MYO5B: variants seen among roughly 807,000 people sequenced by gnomAD.
The protein encoded by MYO5B is myosin VB.
In MYO5B, 143 loss-of-function variants were observed where a neutral mutation model predicts 229.3. The observed-to-expected ratio is 0.62, with a 90% CI of 0.54 to 0.72. MYO5B has a LOEUF of 0.72. Among genes scored for constraint, MYO5B ranks in the 30% least tolerant of loss-of-function variants. MYO5B has a pLI of 0.00. For synonymous variants in MYO5B, 918 were observed against 885.2 expected (o/e 1.04, Z -0.66); for missense variants, 2,321 against 2,331.0 (o/e 1.00, Z 0.09).
In MYO5B at chr18:49,973,519, G is replaced by A. The variant is rs1403974915; in HGVS notation, c.1322+831C>T. 2.6e-5 allele frequency among the ~76,000 whole-genome samples: 4 copies of A among 152,158 alleles called. No individual in the cohort carries two copies. The East Asian group carries it at 5.8e-4, about 22-fold the overall frequency. On this transcript the variant is annotated intron_variant, in intron 10 of 39. Coordinates refer to ENST00000285039, the MANE Select transcript of MYO5B (RefSeq NM_001080467.3). ...ATGACTTCTATAATTTAAAGATCCA[G>A]GAGGATTTAGTCTATTGTTAGCTTA...
chr18:49,927,161 C>A (rs2025137680), intron 17 of MYO5B, among the ~76,000 whole-genome samples: 1 of 152,048 alleles, frequency 6.6e-6, no homozygotes, highest in Non-Finnish European at 1.5e-5. Context: ...AAGATGGTAA[C>A]CAAGGAGGTG....
At chr18:50,060,853 A>G (rs1416112668) in intron 1 of MYO5B, among the ~76,000 whole-genome samples, 4 of 152,014 alleles carry the variant, frequency 2.6e-5, no homozygotes, top group East Asian at 1.9e-4. Context: ...ACTTTTATCA[A>G]CCTCTAGGGG....
intron 27 of MYO5B, among the ~76,000 whole-genome samples, chr18:49,867,731 A>C (rs932082077): frequency 2.0e-5 from 3 of 149,674 alleles, no homozygotes; most frequent in African/African-American, 7.4e-5. Context: ...TTGAAATTCT[A>C]TATATAGTCA....
chr18:49,963,419 T>TA (rs1568049858), intron 10 of MYO5B, among the ~76,000 whole-genome samples: 1 of 133,146 alleles, frequency 7.5e-6, no homozygotes, highest in Non-Finnish European at 1.6e-5. Flanking sequence ...TTAATTAATT[T>TA]ATTTATTTAT....
chr18:49,902,768 G>T lies in MYO5B; in HGVS notation c.2637C>A (p.His879Gln), dbSNP rs77000962. 55 of 1,605,340 alleles carry T rather than the reference G, an allele frequency of 3.4e-5. No individual in the cohort carries two copies. In the African/African-American group the frequency reaches 6.0e-4, roughly 17 times the overall value. ...TGGCTGCATCCCGCAGCCGCTGGAA[G>T]TGCCTGCGTGCCATCCAGCCCCGCA... ...KHVRGWMARR[H>Q]FQRLRDAAIV... is the part of the protein sequence containing the mutation. Residue 879 changes from histidine to glutamine, a missense_variant, in exon 21 of 40, where the codon CAC becomes CAA. His to Gln is a conservative substitution (Grantham distance 24). Transcript: ENST00000285039.
intron 27 of MYO5B, chr18:49,871,710 TA>T (rs2024457811): frequency 4.0e-6 from 1 of 249,870 alleles, no homozygotes; most frequent in African/African-American, 2.2e-5. Flanking sequence ...GCAGATAGGC[TA>T]AATTCCCACA....
chr18:50,059,987 G>T (rs1211001276), intron 1 of MYO5B, among the ~76,000 whole-genome samples: 1 of 152,194 alleles, frequency 6.6e-6, no homozygotes, highest in African/African-American at 2.4e-5. Context: ...GACCACAGTA[G>T]CTGGGAACGA....
At chr18:49,940,411 C>T (rs556657522) in intron 14 of MYO5B, among the ~76,000 whole-genome samples, 3 of 152,296 alleles carry the variant, frequency 2.0e-5, no homozygotes, top group East Asian at 3.9e-4. Flanking sequence ...TGACTTCGCA[C>T]ACTCAAAGGC....
intron 16 of MYO5B, among the ~76,000 whole-genome samples, chr18:49,935,984 C>T (rs890076814): frequency 6.6e-6 from 1 of 152,206 alleles, no homozygotes; most frequent in South Asian, 2.1e-4. Context: ...CTACATTTAA[C>T]GTTCTCTATT....
At chr18:50,142,178 T>C (rs1227520314) in intron 1 of MYO5B, among the ~76,000 whole-genome samples, 1 of 152,242 alleles carries the variant, frequency 6.6e-6, no homozygotes, top group Non-Finnish European at 1.5e-5. Context: ...TGTCTGCTTT[T>C]GGCTTCTGCT....
chr18:50,080,741 G>T (rs540659237), intron 1 of MYO5B, among the ~76,000 whole-genome samples: 6 of 152,300 alleles, frequency 3.9e-5, no homozygotes, highest in African/African-American at 1.2e-4. Context: ...ATGGTGCCAG[G>T]TTGCCATGCT....
chr18:49,958,610 C>T (rs972003735), intron 12 of MYO5B, among the ~76,000 whole-genome samples: 26 of 152,322 alleles, frequency 1.7e-4, no homozygotes, highest in African/African-American at 5.8e-4. Context: ...CCTGGAGGGC[C>T]GCAGTCCACC....
intron 1 of MYO5B, among the ~76,000 whole-genome samples, chr18:50,168,012 T>C (rs968704260): frequency 6.6e-6 from 1 of 152,246 alleles, no homozygotes; most frequent in African/African-American, 2.4e-5. Flanking sequence ...AAATTTCACA[T>C]AGGGCAGGTT....
At chr18:50,093,667 A>G (rs1464652758) in intron 1 of MYO5B, among the ~76,000 whole-genome samples, 2 of 152,184 alleles carry the variant, frequency 1.3e-5, no homozygotes, top group African/African-American at 4.8e-5. Context: ...AGGTTGTGGT[A>G]AAGAAGCCAG....
chr18:49,859,960 A>ACAGG (rs1185239220), intron 29 of MYO5B, among the ~76,000 whole-genome samples: 3 of 152,172 alleles, frequency 2.0e-5, no homozygotes, highest in African/African-American at 7.2e-5. Context: ...GCTGTCCCGG[A>ACAGG]CAGGCCCCTG....
intron 9 of MYO5B, among the ~76,000 whole-genome samples, chr18:49,976,195 G>A (rs2025748750): frequency 6.6e-6 from 1 of 152,152 alleles, no homozygotes; most frequent in South Asian, 2.1e-4. Context: ...AATTGCTTGT[G>A]GGACTCATTT....
chr18:49,963,567 C>T (rs750907726), intron 10 of MYO5B, among the ~76,000 whole-genome samples: 5 of 151,992 alleles, frequency 3.3e-5, no homozygotes, highest in Admixed American at 1.3e-4. Flanking sequence ...GCTGGGACTG[C>T]AGGCACACGC....
chr18:49,948,689 C>T (rs1220225270), intron 14 of MYO5B, among the ~76,000 whole-genome samples: 1 of 152,182 alleles, frequency 6.6e-6, no homozygotes, highest in South Asian at 2.1e-4. Flanking sequence ...GTGTATATAA[C>T]CTTTTAAAAA....
intron 17 of MYO5B, among the ~76,000 whole-genome samples, chr18:49,916,462 G>A (rs1292471699): frequency 6.6e-6 from 1 of 152,240 alleles, no homozygotes; most frequent in East Asian, 1.9e-4. Context: ...CAGGGCTTTA[G>A]TAGCCAGGGA....
Sources: allele counts gnomAD v4.1 joint callset (sites outside exome capture counted in the v4.1 genomes callset), GRCh38; gene constraint gnomAD v4.1.1; transcripts MANE v1.5; gene names NCBI Gene and HGNC (gene_info 2026-07-23, HGNC 2026-07-21).